SND1: variants seen among roughly 807,000 people sequenced by gnomAD.
The protein encoded by SND1 is staphylococcal nuclease and tudor domain containing 1, also known as staphylococcal nuclease domain-containing protein 1.
Under a neutral mutation model 121.7 loss-of-function variants are expected in SND1, and 38 were observed. The ratio of observed to expected loss-of-function variants is 0.31; its 90% CI spans 0.24 to 0.41. The LOEUF is 0.41. SND1 is among the 10% of genes least tolerant of loss of function. The pLI, the probability that SND1 is intolerant of heterozygous loss-of-function variation, is 1.00. For missense variants in SND1, 868 were observed against 1,184.6 expected (o/e 0.73, Z 3.92); for synonymous variants, 401 against 447.4 (o/e 0.90, Z 1.31).
intron 10 of SND1, among the ~76,000 whole-genome samples, chr7:127,789,985 A>G (rs1281692091): frequency 6.6e-6 from 1 of 152,210 alleles, no homozygotes; most frequent in Non-Finnish European, 1.5e-5. Context: ...TTAGAAGTAT[A>G]GAGGTGGTGA....
At chr7:128,077,807 C>T (rs1793531506) in intron 17 of SND1, among the ~76,000 whole-genome samples, 1 of 152,234 alleles carries the variant, frequency 6.6e-6, no homozygotes, top group Non-Finnish European at 1.5e-5. Flanking sequence ...CTCAGGACCC[C>T]TGTTCTCTGC....
At chr7:127,882,601 G>A (rs2116720760) in intron 12 of SND1, among the ~76,000 whole-genome samples, 1 of 152,086 alleles carries the variant, frequency 6.6e-6, no homozygotes, top group East Asian at 1.9e-4. Flanking sequence ...AATTATCTGG[G>A]ACTTCAATTT....
At chr7:127,673,875 A>G (rs549107682) in intron 1 of SND1, among the ~76,000 whole-genome samples, 169 of 152,292 alleles carry the variant, frequency 1.1e-3, no homozygotes, top group African/African-American at 3.8e-3. Context: ...TTCTTCTGAC[A>G]CAGCAAGGTA....
chr7:128,029,588 A>G lies in SND1; in HGVS notation c.1779+38532A>G, dbSNP rs747000205. The G allele has an allele frequency of 1.2e-6, 2 of 1,614,098 alleles. No individual in the cohort carries two copies. The highest frequency in any genetic ancestry group is 1.1e-5 in the South Asian group (1 of 91,082). The stretch of plus-strand genomic sequence containing the variant: ...GAGGTGCGTCCATGATGAAGGGGGC[A>G]GAGCACTGGAAGGAGGCCTGGTCCA... On this transcript the variant is annotated intron_variant, in intron 16 of 23. Transcript: ENST00000354725. The surrounding 1 kb of genome is among the most constrained non-coding windows in gnomAD (Gnocchi z 4.2).
intron 11 of SND1, among the ~76,000 whole-genome samples, chr7:127,818,663 T>A (rs1303969841): frequency 6.6e-6 from 1 of 152,118 alleles, no homozygotes; most frequent in Non-Finnish European, 1.5e-5. Context: ...GCCTGGCAGG[T>A]TGCTGCTGAG....
chr7:127,881,483 A>G (rs1799789059), intron 12 of SND1, among the ~76,000 whole-genome samples: 1 of 152,096 alleles, frequency 6.6e-6, no homozygotes. Context: ...ATTCCTTTTA[A>G]GTTAGCTCTA....
In SND1 at chr7:127,675,074, G is replaced by A. The variant is rs191924319; in HGVS notation, c.79-11539G>A. Among the ~76,000 whole-genome samples the A allele has an allele frequency of 2.9e-3, 441 of 152,266 alleles. 2 individuals carry two copies. Among genetic ancestry groups the A allele is most frequent in the African/African-American group, 9.9e-3 (412 of 41,542 alleles). ...AAATTAGCTGCACTTGGTGGCACAC[G>A]CCTGTGGTCCTAGCCACTTGGGAGG... On this transcript the variant is annotated intron_variant, in intron 1 of 23. Coordinates refer to ENST00000354725, the MANE Select transcript of SND1 (RefSeq NM_014390.4).
intron 16 of SND1, among the ~76,000 whole-genome samples, chr7:128,067,945 A>T (rs1366253960): frequency 3.3e-5 from 5 of 151,952 alleles, no homozygotes; most frequent in Non-Finnish European, 7.4e-5. Context: ...TTTTGCCCCC[A>T]GTGCCCTCGG....
intron 16 of SND1, among the ~76,000 whole-genome samples, chr7:128,072,569 T>C (rs1793431081): frequency 6.6e-6 from 1 of 152,182 alleles, no homozygotes; most frequent in Non-Finnish European, 1.5e-5. Flanking sequence ...CTTCTTGAGC[T>C]TAGCATGTTT....
intron 10 of SND1, among the ~76,000 whole-genome samples, chr7:127,727,222 C>T (rs1796597365): frequency 6.6e-6 from 1 of 152,144 alleles, no homozygotes; most frequent in East Asian, 1.9e-4. Context: ...AGTTCATCTC[C>T]CAGACCTGGC....
intron 16 of SND1, among the ~76,000 whole-genome samples, chr7:128,041,940 G>A (rs1213106581): frequency 6.6e-6 from 1 of 152,188 alleles, no homozygotes; most frequent in Non-Finnish European, 1.5e-5. Flanking sequence ...TTTCTCTGAT[G>A]AACACCAGAC....
At chr7:127,806,138 G>A (rs1210031170) in intron 10 of SND1, among the ~76,000 whole-genome samples, 1 of 152,194 alleles carries the variant, frequency 6.6e-6, no homozygotes, top group African/African-American at 2.4e-5. Context: ...AAACATTAAA[G>A]TGAAGTATAC....
intron 16 of SND1, among the ~76,000 whole-genome samples, chr7:128,055,236 T>G (rs966087063): frequency 4.6e-5 from 7 of 152,104 alleles, no homozygotes; most frequent in Non-Finnish European, 1.0e-4. Context: ...CCTTACCTTC[T>G]CCACAGCCTG....
At chr7:127,706,058 CT>C (rs1253155717) in intron 8 of SND1, among the ~76,000 whole-genome samples, 1 of 152,002 alleles carries the variant, frequency 6.6e-6, no homozygotes, top group Non-Finnish European at 1.5e-5. Flanking sequence ...ACAGTGATTG[CT>C]TAGAATTTTT....
At chr7:127,677,497 G>A (rs530362053) in intron 1 of SND1, among the ~76,000 whole-genome samples, 11 of 152,192 alleles carry the variant, frequency 7.2e-5, no homozygotes, top group African/African-American at 1.9e-4. Context: ...CTATTTAGAC[G>A]ACCATAAAAC....
intron 12 of SND1, among the ~76,000 whole-genome samples, chr7:127,861,502 TCTCACTCTGTTGC>T (rs1799378461): frequency 6.6e-6 from 1 of 152,148 alleles, no homozygotes; most frequent in Non-Finnish European, 1.5e-5. Flanking sequence ...TGAGACAGAG[TCTCACTCTGTTGC>T]CTAGGCTGGA....
intron 16 of SND1, among the ~76,000 whole-genome samples, chr7:128,020,324 C>T (rs1803317750): frequency 6.6e-6 from 1 of 152,230 alleles, no homozygotes; most frequent in Non-Finnish European, 1.5e-5. Flanking sequence ...CTGCAAACTC[C>T]AGGGGGCACT....
chr7:128,027,330 A>G (rs1228603118), intron 16 of SND1: 3 of 152,318 alleles, frequency 2.0e-5, no homozygotes, highest in Admixed American at 2.0e-4. Context: ...GGGAGAGGGA[A>G]GCTTCCCATC....
intron 17 of SND1, among the ~76,000 whole-genome samples, chr7:128,075,202 GA>G (rs1293651376): frequency 1.3e-5 from 2 of 151,060 alleles, no homozygotes; most frequent in African/African-American, 4.9e-5. Flanking sequence ...AGACAAGGGG[GA>G]TGGGGTGGAA....
Sources: gnomAD v4.1 joint callset for allele counts (sites outside exome capture counted in the v4.1 genomes callset) on GRCh38, gnomAD v4.1.1 for gene constraint, Gnocchi (gnomAD v3.1) non-coding constraint, MANE v1.5 for transcripts, NCBI Gene and HGNC (gene_info 2026-07-23, HGNC 2026-07-21) for gene names.